PHF24: variants seen among roughly 807,000 people sequenced by gnomAD.
PHF24 encodes the protein Galpha inhibitory interacting protein.
In PHF24, 25 loss-of-function variants were observed where a neutral mutation model predicts 42.6. The observed-to-expected ratio is 0.59, with a 90% CI of 0.43 to 0.82. The LOEUF is 0.82. Among genes scored for constraint, PHF24 ranks in the 40% least tolerant of loss-of-function variants. PHF24 has a pLI of 0.00. For missense variants in PHF24, 470 were observed against 538.1 expected, an observed-to-expected ratio of 0.87 and a Z score of 1.25; for synonymous variants, 185 against 204.8, an observed-to-expected ratio of 0.90 and a Z score of 0.83.
At chr9:34,813,512 C>T in the PHF24 span, among the ~76,000 whole-genome samples, 4 of 152,164 alleles carry the variant, frequency 2.6e-5, no homozygotes, top group Non-Finnish European at 5.9e-5. Flanking sequence ...CATTTGGAGG[C>T]TTGACTGGGG....
the PHF24 span, among the ~76,000 whole-genome samples, chr9:34,712,396 C>T: frequency 6.6e-6 from 1 of 152,012 alleles, no homozygotes; most frequent in Non-Finnish European, 1.5e-5. Context: ...GCCCTGTTCC[C>T]TCTCTTCTCC....
the PHF24 span, among the ~76,000 whole-genome samples, chr9:34,713,507 C>T: frequency 1.3e-5 from 2 of 150,164 alleles, no homozygotes; most frequent in Non-Finnish European, 2.9e-5. Flanking sequence ...TACCACCCCC[C>T]CTGCTTGTTA....
the PHF24 span, among the ~76,000 whole-genome samples, chr9:34,719,623 T>G: frequency 6.6e-6 from 1 of 152,212 alleles, no homozygotes; most frequent in Non-Finnish European, 1.5e-5. Context: ...CATGCTGGCC[T>G]CAGGCAGGTG....
the PHF24 span, among the ~76,000 whole-genome samples, chr9:34,675,037 T>C: frequency 6.6e-6 from 1 of 152,272 alleles, no homozygotes; most frequent in Non-Finnish European, 1.5e-5. Flanking sequence ...TTTGTATTTT[T>C]AGTAGAGATG....
chr9:34,836,200 T>G, the PHF24 span: 1 of 363,474 alleles, frequency 2.8e-6, no homozygotes, highest in Non-Finnish European at 5.4e-6. Flanking sequence ...CTTTTCTTCT[T>G]AAGAAAATGG....
the PHF24 span, among the ~76,000 whole-genome samples, chr9:34,845,583 T>C: frequency 3.9e-5 from 6 of 152,120 alleles, no homozygotes; most frequent in African/African-American, 1.4e-4. Flanking sequence ...AAGTTAACTT[T>C]TTTTTAAATT....
the PHF24 span, among the ~76,000 whole-genome samples, chr9:34,760,888 A>G: frequency 6.6e-6 from 1 of 152,012 alleles, no homozygotes; most frequent in Non-Finnish European, 1.5e-5. Context: ...GCTACACGGG[A>G]GGCTGAGGTG....
exon 4 of PHF24, chr9:34,976,173 A>T (rs770061831): frequency 6.2e-7 from 1 of 1,613,976 alleles, no homozygotes; most frequent in African/African-American, 1.3e-5. Context: ...CTTGCTGCTT[A>T]CTGAGGAGGA....
At chr9:34,801,220 T>C in the PHF24 span, among the ~76,000 whole-genome samples, 18 of 152,282 alleles carry the variant, frequency 1.2e-4, no homozygotes, top group African/African-American at 4.3e-4. Flanking sequence ...AGTTCAACCA[T>C]TGTGGAAGAC....
the PHF24 span, among the ~76,000 whole-genome samples, chr9:34,840,842 C>CA: frequency 6.6e-6 from 1 of 151,972 alleles, no homozygotes; most frequent in Non-Finnish European, 1.5e-5. Context: ...AATGCTGATG[C>CA]AAACCTTATA....
chr9:34,913,453 C>T, the PHF24 span, among the ~76,000 whole-genome samples: 2 of 152,202 alleles, frequency 1.3e-5, no homozygotes, highest in Admixed American at 6.5e-5. Context: ...TGATAGAATA[C>T]GTTTCACAGA....
At chr9:34,677,650 G>A in the PHF24 span, among the ~76,000 whole-genome samples, 1 of 151,966 alleles carries the variant, frequency 6.6e-6, no homozygotes, top group African/African-American at 2.4e-5. Flanking sequence ...CACCCGCCTG[G>A]GCCTCCCAAA....
chr9:34,875,686 T>TGGTCATGTG, the PHF24 span, among the ~76,000 whole-genome samples: 9 of 152,122 alleles, frequency 5.9e-5, no homozygotes, highest in South Asian at 4.1e-4. Flanking sequence ...ACAATTTAAT[T>TGGTCATGTG]GGTCATGTGG....
At chr9:34,700,259 A>G in the PHF24 span, among the ~76,000 whole-genome samples, 10 of 152,208 alleles carry the variant, frequency 6.6e-5, no homozygotes, top group Admixed American at 4.6e-4. Flanking sequence ...GTATGATGTG[A>G]CATAAACTCG....
the PHF24 span, among the ~76,000 whole-genome samples, chr9:34,714,832 G>C: frequency 6.6e-6 from 1 of 152,150 alleles, no homozygotes; most frequent in Admixed American, 6.5e-5. Context: ...GCTTAGGCTT[G>C]CTTTCTCTCC....
chr9:34,851,307 G>A, the PHF24 span, among the ~76,000 whole-genome samples: 7 of 152,124 alleles, frequency 4.6e-5, no homozygotes, highest in Admixed American at 6.5e-5. Flanking sequence ...GGGCAATGGC[G>A]GGCTCCCCTC....
the PHF24 span, among the ~76,000 whole-genome samples, chr9:34,901,669 A>G: frequency 0.47 from 71,870 of 151,986 alleles, 17,955 homozygotes; most frequent in Non-Finnish European, 0.56. Flanking sequence ...TAATCCCAGC[A>G]CTTTGGGAGG....
the PHF24 span, among the ~76,000 whole-genome samples, chr9:34,731,075 C>T: frequency 2.0e-5 from 3 of 152,200 alleles, no homozygotes; most frequent in African/African-American, 7.2e-5. Flanking sequence ...ATAGCTGTCT[C>T]TCATCCCTGT....
chr9:34,963,473 A>G (rs187103986), intron 1 of PHF24, among the ~76,000 whole-genome samples: 178 of 152,250 alleles, frequency 1.2e-3, no homozygotes, highest in African/African-American at 4.1e-3. Context: ...CCAGGAGCCA[A>G]TTGTTGACCA....
Sources: allele counts gnomAD v4.1 joint callset (sites outside exome capture counted in the v4.1 genomes callset), GRCh38; gene constraint gnomAD v4.1.1; transcripts MANE v1.5; gene names NCBI Gene and HGNC (gene_info 2026-07-23, HGNC 2026-07-21).